PCDH9: variants seen among roughly 807,000 people sequenced by gnomAD.
PCDH9 encodes the protein protocadherin 9, also known as protocadherin-9.
A neutral mutation model predicts 70.6 loss-of-function variants in PCDH9; 24 were observed. The ratio of observed to expected loss-of-function variants is 0.34; its 90% CI spans 0.25 to 0.48. The LOEUF is 0.48. Ranked by LOEUF, PCDH9 falls within the 20% of genes least tolerant of loss-of-function variation. The probability of loss-of-function intolerance (pLI) is 0.99; values close to 1 mark genes in which losing one functional copy is unlikely to be tolerated. For synonymous variants in PCDH9, 562 were observed against 558.5 expected (o/e 1.01, Z -0.09); for missense variants, 1,281 against 1,503.6 (o/e 0.85, Z 2.45).
At chr13:66,578,258 T>C (rs2076842033) in intron 4 of PCDH9, among the ~76,000 whole-genome samples, 1 of 152,132 alleles carries the variant, frequency 6.6e-6, no homozygotes, top group South Asian at 2.1e-4. Flanking sequence ...CCTATTTGAA[T>C]GTGATATTTA....
intron 2 of PCDH9, among the ~76,000 whole-genome samples, chr13:67,056,046 A>G (rs9540983): frequency 0.1 from 15,503 of 152,218 alleles, 861 homozygotes; most frequent in Non-Finnish European, 0.12. Flanking sequence ...ACATGCAAAA[A>G]TGTATAGATT....
At chr13:66,364,697 A>C (rs1031068520) in intron 4 of PCDH9, among the ~76,000 whole-genome samples, 21 of 152,298 alleles carry the variant, frequency 1.4e-4, no homozygotes, top group African/African-American at 4.8e-4. Flanking sequence ...CTGTAGATTA[A>C]GGAAGGGGAA....
At chr13:66,556,858 C>A (rs1201959791) in intron 4 of PCDH9, among the ~76,000 whole-genome samples, 1 of 151,964 alleles carries the variant, frequency 6.6e-6, no homozygotes, top group Non-Finnish European at 1.5e-5. Flanking sequence ...CAACAAGGAG[C>A]TAGATAGAAC....
intron 3 of PCDH9, among the ~76,000 whole-genome samples, chr13:66,793,639 C>G (rs1594069092): frequency 6.6e-6 from 1 of 151,972 alleles, no homozygotes; most frequent in African/African-American, 2.4e-5. Flanking sequence ...CTTTTTCTCT[C>G]TTTCTAGAAA....
intron 4 of PCDH9, among the ~76,000 whole-genome samples, chr13:66,371,323 T>C (rs1482038059): frequency 6.6e-6 from 1 of 152,060 alleles, no homozygotes; most frequent in Non-Finnish European, 1.5e-5. Flanking sequence ...CTTTAATACA[T>C]GATATTGAGA....
chr13:66,893,526 T>G (rs111994903), intron 3 of PCDH9, among the ~76,000 whole-genome samples: 1,700 of 152,280 alleles, frequency 0.011, 30 homozygotes, highest in African/African-American at 0.039. Flanking sequence ...TACCTTTAGT[T>G]TAATCAATAC....
chr13:66,726,092 T>C (rs1450694568), intron 3 of PCDH9, among the ~76,000 whole-genome samples: 1 of 152,144 alleles, frequency 6.6e-6, no homozygotes, highest in Non-Finnish European at 1.5e-5. Context: ...TTTTTTTAGA[T>C]TTAAAAATGT....
intron 3 of PCDH9, among the ~76,000 whole-genome samples, chr13:66,836,909 C>G (rs1047620462): frequency 6.6e-6 from 1 of 152,148 alleles, no homozygotes; most frequent in African/African-American, 2.4e-5. Flanking sequence ...TCATGTAGTT[C>G]TACCAGAGGA....
chr13:66,366,553 T>A (rs572091614), intron 4 of PCDH9, among the ~76,000 whole-genome samples: 1 of 152,166 alleles, frequency 6.6e-6, no homozygotes, highest in African/African-American at 2.4e-5. Context: ...ACTATGAGAC[T>A]TTTTAATATT....
intron 3 of PCDH9, among the ~76,000 whole-genome samples, chr13:66,764,563 T>A (rs928633368): frequency 6.6e-6 from 1 of 152,076 alleles, no homozygotes; most frequent in Non-Finnish European, 1.5e-5. Context: ...CATAATGTAA[T>A]TTTAGAATTT....
intron 4 of PCDH9, among the ~76,000 whole-genome samples, chr13:66,507,162 G>C (rs759604760): frequency 1.3e-5 from 2 of 152,154 alleles, no homozygotes; most frequent in Non-Finnish European, 2.9e-5. Context: ...TTGATTGCCT[G>C]CCTGAGCTGA....
intron 3 of PCDH9, among the ~76,000 whole-genome samples, chr13:66,790,617 T>C (rs74846859): frequency 0.039 from 5,869 of 152,150 alleles, 410 homozygotes; most frequent in African/African-American, 0.13. Flanking sequence ...GCCTGTTTAA[T>C]GTTTTTAGTA....
intron 2 of PCDH9, among the ~76,000 whole-genome samples, chr13:67,002,419 T>C (rs2084263026): frequency 6.6e-6 from 1 of 152,010 alleles, no homozygotes; most frequent in Admixed American, 6.5e-5. Flanking sequence ...TTGTATTTTA[T>C]ACTGTTAGAA....
chr13:67,183,689 A>G (rs1426995118), intron 2 of PCDH9, among the ~76,000 whole-genome samples: 2 of 152,198 alleles, frequency 1.3e-5, no homozygotes, highest in African/African-American at 2.4e-5. Flanking sequence ...TTTTACTTTT[A>G]TAATGAAAGA....
At chr13:66,541,188 G>T (rs1315782452) in intron 4 of PCDH9, among the ~76,000 whole-genome samples, 1 of 152,102 alleles carries the variant, frequency 6.6e-6, no homozygotes, top group Non-Finnish European at 1.5e-5. Flanking sequence ...GTTGCAAAAT[G>T]GGGCATTCCC....
chr13:66,913,536 TATC>T (rs778462356), intron 2 of PCDH9, among the ~76,000 whole-genome samples: 9 of 152,026 alleles, frequency 5.9e-5, no homozygotes. Flanking sequence ...ACCTCAGCTC[TATC>T]ATCATCTGAC....
chr13:66,397,419 TATATATGTGTGTGTATAC>T (rs1238960391), intron 4 of PCDH9, among the ~76,000 whole-genome samples: 2 of 150,398 alleles, frequency 1.3e-5, no homozygotes, highest in Non-Finnish European at 3.0e-5. Context: ...ACTCTGTCGA[TATATATGTGTGTGTATAC>T]ATATATGTGT....
chr13:66,315,512 C>A (rs1323692513), intron 4 of PCDH9, among the ~76,000 whole-genome samples: 1 of 151,912 alleles, frequency 6.6e-6, no homozygotes, highest in Non-Finnish European at 1.5e-5. Flanking sequence ...AATGGAGTTT[C>A]GCTCTGCCAC....
intron 2 of PCDH9, among the ~76,000 whole-genome samples, chr13:67,198,865 A>G (rs892041916): frequency 2.0e-4 from 30 of 151,878 alleles, no homozygotes; most frequent in Middle Eastern, 7.1e-3. Flanking sequence ...AGAAATAATG[A>G]CCTCTGCTTA....
Sources: gnomAD v4.1 joint callset for allele counts (sites outside exome capture counted in the v4.1 genomes callset) on GRCh38, gnomAD v4.1.1 for gene constraint, MANE v1.5 for transcripts, NCBI Gene and HGNC (gene_info 2026-07-23, HGNC 2026-07-21) for gene names.